ARF4: variants seen among roughly 807,000 people sequenced by gnomAD.
ARF4 encodes ARF GTPase 4.
A neutral mutation model predicts 24.3 loss-of-function variants in ARF4; 5 were observed. That is an observed-to-expected ratio of 0.21 (90% CI 0.11 to 0.43). The LOEUF (loss-of-function observed/expected upper bound fraction) is 0.43. Among genes scored for constraint, ARF4 ranks in the 20% least tolerant of loss-of-function variants. The pLI is 1.00. For missense variants in ARF4, 107 were observed against 213.0 expected (o/e 0.50, Z 3.10); for synonymous variants, 62 against 73.5 (o/e 0.84, Z 0.80).
intron 1 of ARF4, chr3:57,596,815 A>G (rs1345217525): frequency 3.9e-5 from 18 of 464,714 alleles, no homozygotes; most frequent in Non-Finnish European, 6.7e-5. Context: ...GCTTTCAATA[A>G]GATCAAGGAG....
chr3:57,580,539 C>T (rs1326645786), intron 3 of ARF4, among the ~76,000 whole-genome samples: 2 of 150,422 alleles, frequency 1.3e-5, no homozygotes, highest in Non-Finnish European at 3.0e-5. Context: ...GTAGCTGGGA[C>T]TACAGGAGTA....
chr3:57,594,018 G>A (rs1329211882), intron 1 of ARF4, among the ~76,000 whole-genome samples: 3 of 152,156 alleles, frequency 2.0e-5, no homozygotes, highest in Admixed American at 6.6e-5. Flanking sequence ...CACTTTGGGA[G>A]GCCAAGGCAG....
intron 1 of ARF4, among the ~76,000 whole-genome samples, chr3:57,589,041 G>A (rs1010434585): frequency 3.3e-5 from 5 of 151,706 alleles, no homozygotes; most frequent in Admixed American, 6.6e-5. Flanking sequence ...GGCGGAGGTC[G>A]CAGTGAGCTG....
At chr3:57,574,900 G>A (rs113931510) in intron 5 of ARF4, among the ~76,000 whole-genome samples, 2,412 of 150,226 alleles carry the variant, frequency 0.016, 62 homozygotes, top group African/African-American at 0.056. Context: ...CCAGGCTGGA[G>A]TGCAGTGGCG....
At chr3:57,596,983 G>T in intron 1 of ARF4, 91 bp downstream of exon 1, 1 of 1,386,110 alleles carries the variant, frequency 7.2e-7, no homozygotes, top group Non-Finnish European at 1.0e-6. Context: ...CCACCACAGC[G>T]GGCGGAGGAA....
At position 57,577,389 on chromosome 3, in the gene ARF4, TG is replaced by T. The variant is rs752972940; in HGVS notation, c.259-3del. The T allele has an allele frequency of 3.9e-5, 63 of 1,606,410 alleles. No homozygotes were observed. Among genetic ancestry groups the T allele is most frequent in the Non-Finnish European group, 4.8e-5 (57 of 1,176,452 alleles). ...GCTATCTACCACAAAAATAAGACCCTGGGGAAAAATTGTTTCAGTAAATTTT... is the reference window on the plus strand; with the variant it reads ...GCTATCTACCACAAAAATAAGACCCTGGGAAAAATTGTTTCAGTAAATTTT... On this transcript the variant is annotated splice_polypyrimidine_tract_variant and splice_region_variant and intron_variant, in intron 3 of 5. Coordinates refer to ENST00000303436, the MANE Select transcript of ARF4 (RefSeq NM_001660.4).
At chr3:57,589,101 TCA>T (rs1491316198) in intron 1 of ARF4, among the ~76,000 whole-genome samples, 1 of 59,228 alleles carries the variant, frequency 1.7e-5, no homozygotes, top group Non-Finnish European at 4.6e-5. Context: ...AAACTCCGTC[TCA>T]AAAAAAAAAA....
intron 2 of ARF4, 38 bp downstream of exon 2, chr3:57,584,346 A>C (rs2070011962): frequency 2.8e-6 from 4 of 1,454,400 alleles, no homozygotes; most frequent in Admixed American, 3.5e-5. Context: ...TCACTTTACA[A>C]CATATCATGA....
At chr3:57,592,928 G>C (rs987105808) in intron 1 of ARF4, among the ~76,000 whole-genome samples, 1 of 152,154 alleles carries the variant, frequency 6.6e-6, no homozygotes, top group Non-Finnish European at 1.5e-5. Flanking sequence ...GCGTGTACCA[G>C]GTGTGGTGGC....
At chr3:57,573,064 TGGTGGTGG>T (rs536199090) in intron 5 of ARF4, among the ~76,000 whole-genome samples, 1 of 151,368 alleles carries the variant, frequency 6.6e-6, no homozygotes, top group Non-Finnish European at 1.5e-5. Context: ...TAGCCGGGCG[TGGTGGTGG>T]GCGCCTGTAG....
At chr3:57,590,133 A>AAAAC (rs1364506505) in intron 1 of ARF4, among the ~76,000 whole-genome samples, 3 of 139,608 alleles carry the variant, frequency 2.1e-5, no homozygotes, top group African/African-American at 5.2e-5. Flanking sequence ...ATAAATAAAT[A>AAAAC]AAACAAAAAA....
intron 1 of ARF4, among the ~76,000 whole-genome samples, chr3:57,596,214 T>A (rs566587340): frequency 2.3e-4 from 35 of 152,256 alleles, no homozygotes; most frequent in Non-Finnish European, 4.3e-4. Flanking sequence ...AAAGAAATTT[T>A]AAAAAAATTG....
At chr3:57,596,744 C>T in intron 1 of ARF4, 1 of 300,462 alleles carries the variant, frequency 3.3e-6, no homozygotes, top group Non-Finnish European at 6.4e-6. Context: ...CCAGAAAGGG[C>T]CTCGCCAAGT....
At chr3:57,584,887 G>A (rs1025189664) in intron 1 of ARF4, among the ~76,000 whole-genome samples, 2 of 151,980 alleles carry the variant, frequency 1.3e-5, no homozygotes, top group African/African-American at 2.4e-5. Flanking sequence ...GCGGGGGGAC[G>A]TATTCTCGCT....
intron 3 of ARF4, 70 bp downstream of exon 3, chr3:57,583,828 A>G (rs888282956): frequency 3.8e-5 from 40 of 1,039,766 alleles, no homozygotes; most frequent in Non-Finnish European, 5.6e-5. Flanking sequence ...AGTAAATACT[A>G]GATACTAATA....
At chr3:57,592,465 G>A (rs766080946) in intron 1 of ARF4, among the ~76,000 whole-genome samples, 12 of 152,244 alleles carry the variant, frequency 7.9e-5, no homozygotes, top group Non-Finnish European at 1.6e-4. Flanking sequence ...TCGAGCCTGG[G>A]TGACACAGTG....
At chr3:57,593,063 C>T (rs558963463) in intron 1 of ARF4, among the ~76,000 whole-genome samples, 2 of 152,048 alleles carry the variant, frequency 1.3e-5, no homozygotes, top group East Asian at 1.9e-4. Context: ...AAAAATTAGC[C>T]GGGCATAGTG....
intron 3 of ARF4, among the ~76,000 whole-genome samples, chr3:57,581,564 G>C (rs1396418700): frequency 6.6e-6 from 1 of 152,220 alleles, no homozygotes; most frequent in African/African-American, 2.4e-5. Context: ...ACTTTGGGAA[G>C]CCCAGGCAGG....
Position 57,575,658 on chromosome 3 carries a change from A to G in ARF4, c.346T>C (p.Leu116=), listed in dbSNP as rs1391140179. Residue 116 remains leucine (L), a synonymous_variant, in exon 5 of 6, where the codon TTG becomes CTG. Transcript: ENST00000303436. The stretch of plus-strand genomic sequence containing the variant: ...AAAAGTAGCAGCACTGCATCTCTCA[A>G]TTCATCTACCAGAAGCTGGAAATAA... ...ELQKMLLVDE[L]RDAVLLLFAN... 1 of 1,609,504 alleles carries G rather than the reference A, an allele frequency of 6.2e-7. No individual in the cohort carries two copies. The highest frequency in any genetic ancestry group is 1.7e-5 in the Admixed American group (1 of 58,816).
Sources: gnomAD v4.1 joint callset for allele counts (sites outside exome capture counted in the v4.1 genomes callset) on GRCh38, gnomAD v4.1.1 for gene constraint, MANE v1.5 for transcripts, NCBI Gene and HGNC (gene_info 2026-07-23, HGNC 2026-07-21) for gene names.